The following KIAA1217 variants were observed in gnomAD, a reference collection of about 807,000 sequenced individuals.
The protein encoded by KIAA1217 is sickle tail protein homolog.
Under a neutral mutation model 163.9 loss-of-function variants are expected in KIAA1217, and 88 were observed. The ratio of observed to expected loss-of-function variants is 0.54; its 90% confidence interval spans 0.45 to 0.64. The LOEUF is 0.64. KIAA1217 is among the 30% of genes least tolerant of loss of function. The probability of loss-of-function intolerance (pLI) is 0.00; values close to 1 mark genes in which losing one functional copy is unlikely to be tolerated. For synonymous variants in KIAA1217, 903 were observed against 923.1 expected, an observed-to-expected ratio of 0.98 and a Z score of 0.39; for missense variants, 2,372 against 2,475.0, an observed-to-expected ratio of 0.96 and a Z score of 0.88.
chr10:24,253,552 G>A (rs1295593030), intron 2 of KIAA1217, among the ~76,000 whole-genome samples: 3 of 152,104 alleles, frequency 2.0e-5, no homozygotes, highest in Non-Finnish European at 2.9e-5. Flanking sequence ...AACATCTTCA[G>A]TGTCCACTTG....
At chr10:24,349,665 A>C (rs1442292622) in intron 2 of KIAA1217, among the ~76,000 whole-genome samples, 1 of 152,240 alleles carries the variant, frequency 6.6e-6, no homozygotes, top group Admixed American at 6.5e-5. Context: ...GATTGTAAAC[A>C]TTAGAAAGTA....
chr10:23,789,936 CATATACATATACATGTATAT>C (rs1835666280), intron 1 of KIAA1217, among the ~76,000 whole-genome samples: 1 of 97,400 alleles, frequency 1.0e-5, no homozygotes, highest in African/African-American at 3.9e-5. Context: ...TATATATACA[CATATACATATACATGTATAT>C]ATACACATAT....
At chr10:24,540,918 G>A (rs548244627) in intron 17 of KIAA1217, among the ~76,000 whole-genome samples, 6 of 151,352 alleles carry the variant, frequency 4.0e-5, no homozygotes, top group Admixed American at 1.3e-4. Context: ...ACAGGCACCC[G>A]CCACCGTGCC....
chr10:24,521,932 G>T lies in KIAA1217; in HGVS notation c.2456+3G>T. ...GACGTCCTGACCATGCTGCGGAGGT[G>T]ACCGGGCCCTCATCGTGCTGGGGGT... On this transcript the variant is annotated splice_donor_region_variant and intron_variant, in intron 12 of 20. Coordinates refer to ENST00000376454, the MANE Select transcript of KIAA1217 (RefSeq NM_019590.5). 1 of 1,603,348 alleles carries T rather than the reference G, an allele frequency of 6.2e-7. No homozygotes were observed. Among genetic ancestry groups the T allele is most frequent in the South Asian group, 1.1e-5 (1 of 90,878 alleles).
intron 1 of KIAA1217, among the ~76,000 whole-genome samples, chr10:23,758,234 A>G (rs995865632): frequency 6.6e-6 from 1 of 152,182 alleles, no homozygotes; most frequent in Admixed American, 6.5e-5. Flanking sequence ...ATTTTTGTAC[A>G]TAGTGTTAGA....
intron 8 of KIAA1217, among the ~76,000 whole-genome samples, chr10:24,500,556 T>C (rs2150651): frequency 0.3 from 46,276 of 151,996 alleles, 7,341 homozygotes; most frequent in Middle Eastern, 0.4. Context: ...TGTGTGCAGA[T>C]GCCCTCTTTC....
chr10:23,930,041 G>A (rs1362751053), intron 1 of KIAA1217, among the ~76,000 whole-genome samples: 1 of 151,982 alleles, frequency 6.6e-6, no homozygotes, highest in Non-Finnish European at 1.5e-5. Context: ...CAACTTTGCT[G>A]GCATCTGTTA....
chr10:24,317,761 A>G (rs1211079325), intron 2 of KIAA1217, among the ~76,000 whole-genome samples: 3 of 152,244 alleles, frequency 2.0e-5, no homozygotes, highest in African/African-American at 7.2e-5. Context: ...GTAGACTAAA[A>G]GAAACAGCTA....
At chr10:23,804,673 T>C (rs6482350) in intron 1 of KIAA1217, among the ~76,000 whole-genome samples, 18,795 of 152,182 alleles carry the variant, frequency 0.12, 2,416 homozygotes, top group African/African-American at 0.33. Flanking sequence ...CCGTTGCCAG[T>C]GTCTGAAGTA....
intron 14 of KIAA1217, among the ~76,000 whole-genome samples, chr10:24,528,378 GTGGTA>G (rs771563420): frequency 6.8e-5 from 10 of 147,636 alleles, no homozygotes; most frequent in Non-Finnish European, 1.2e-4. Context: ...CTGGAGTGTA[GTGGTA>G]TGATCTTAGC....
intron 2 of KIAA1217, among the ~76,000 whole-genome samples, chr10:24,229,135 G>A (rs12412151): frequency 0.24 from 37,020 of 151,980 alleles, 5,242 homozygotes; most frequent in East Asian, 0.37. Context: ...CAAAATTTAC[G>A]TACATGCATC....
At chr10:24,165,931 A>T (rs2065323850) in intron 2 of KIAA1217, among the ~76,000 whole-genome samples, 1 of 152,150 alleles carries the variant, frequency 6.6e-6, no homozygotes, top group South Asian at 2.1e-4. Context: ...AGGTGACAAG[A>T]CAGTTTATAA....
At chr10:23,907,042 C>T (rs1030325153) in intron 1 of KIAA1217, among the ~76,000 whole-genome samples, 2 of 151,968 alleles carry the variant, frequency 1.3e-5, no homozygotes, top group African/African-American at 2.4e-5. Context: ...TCTGAGGCAG[C>T]GTACAGTCAT....
intron 1 of KIAA1217, among the ~76,000 whole-genome samples, chr10:23,749,023 G>A (rs1055156193): frequency 1.3e-5 from 2 of 152,144 alleles, no homozygotes; most frequent in Admixed American, 1.3e-4. Flanking sequence ...ATCACCTGCT[G>A]TTATACCACA....
chr10:24,093,404 T>C (rs527921131), intron 2 of KIAA1217, among the ~76,000 whole-genome samples: 24 of 151,676 alleles, frequency 1.6e-4, no homozygotes, highest in Non-Finnish European at 3.1e-4. Flanking sequence ...ACTCCTGATC[T>C]CCGATGATCC....
chr10:24,541,936 T>C (rs1054899674), intron 17 of KIAA1217, among the ~76,000 whole-genome samples: 2 of 152,216 alleles, frequency 1.3e-5, no homozygotes, highest in East Asian at 3.8e-4. Context: ...TGTAACAGCA[T>C]GATGGATATG....
chr10:23,851,375 A>G lies in KIAA1217; in HGVS notation c.-320-155850A>G, dbSNP rs938382094. Among the ~76,000 whole-genome samples, 7 of 152,104 alleles carry G rather than the reference A, an allele frequency of 4.6e-5. No individual in the cohort carries two copies. The East Asian group carries it at 5.8e-4, about 13-fold the overall frequency. On this transcript the variant is annotated intron_variant, in intron 1 of 18. Transcript: ENST00000376462. Reference sequence around the variant, plus strand: ...TTTTATGGCTGCATAGTATTCCATGATGTATATGTGCCACATTTTCTTAAT... The same window carrying G: ...TTTTATGGCTGCATAGTATTCCATGGTGTATATGTGCCACATTTTCTTAAT...
intron 2 of KIAA1217, among the ~76,000 whole-genome samples, chr10:24,183,525 T>C (rs2066278893): frequency 6.6e-6 from 1 of 152,228 alleles, no homozygotes; most frequent in Non-Finnish European, 1.5e-5. Flanking sequence ...AATCATTATT[T>C]GCTGCGTTTT....
At chr10:24,175,693 C>T (rs1196468274) in intron 2 of KIAA1217, among the ~76,000 whole-genome samples, 1 of 152,076 alleles carries the variant, frequency 6.6e-6, no homozygotes, top group Admixed American at 6.5e-5. Flanking sequence ...TTCTGATATT[C>T]AGATGTGTTT....
Sources: allele counts gnomAD v4.1 joint callset (sites outside exome capture counted in the v4.1 genomes callset), GRCh38; gene constraint gnomAD v4.1.1; transcripts MANE v1.5; gene names NCBI Gene and HGNC (gene_info 2026-07-23, HGNC 2026-07-21).